MAPK14: variants seen among roughly 807,000 people sequenced by gnomAD.
The protein encoded by MAPK14 is mitogen-activated protein kinase 14.
In MAPK14, 16 loss-of-function variants were observed where a neutral mutation model predicts 49.6. The observed-to-expected ratio is 0.32, with a 90% CI of 0.22 to 0.49. MAPK14 has a LOEUF of 0.49. MAPK14 is among the 20% of genes least tolerant of loss of function. The pLI, the probability that MAPK14 is intolerant of heterozygous loss-of-function variation, is 0.99. For synonymous variants in MAPK14, 142 were observed against 158.0 expected, an observed-to-expected ratio of 0.90 and a Z score of 0.76; for missense variants, 200 against 441.2, an observed-to-expected ratio of 0.45 and a Z score of 4.90.
At chr6:36,089,202 A>C (rs530527991) in intron 8 of MAPK14, among the ~76,000 whole-genome samples, 1 of 152,334 alleles carries the variant, frequency 6.6e-6, no homozygotes, top group Admixed American at 6.5e-5. Flanking sequence ...GTACATATAC[A>C]CCATGGAATA....
At chr6:36,117,981 G>A in the MAPK14 span, among the ~76,000 whole-genome samples, 3 of 152,246 alleles carry the variant, frequency 2.0e-5, no homozygotes, top group South Asian at 2.1e-4. Flanking sequence ...AACCAAATAT[G>A]TAGGGGTTAT....
chr6:36,061,857 G>C (rs1051475510), intron 3 of MAPK14, among the ~76,000 whole-genome samples: 1 of 152,214 alleles, frequency 6.6e-6, no homozygotes, highest in African/African-American at 2.4e-5. Context: ...TTAAATTACA[G>C]AAAGTCTCTG....
chr6:36,118,271 C>T, the MAPK14 span, among the ~76,000 whole-genome samples: 1 of 152,224 alleles, frequency 6.6e-6, no homozygotes, highest in African/African-American at 2.4e-5. Flanking sequence ...GTGTCTTGCA[C>T]CCTCATTCAG....
In MAPK14 at chr6:36,027,875, A is replaced by T; in HGVS notation, c.-283A>T. The T allele has an allele frequency of 2.5e-6, 1 of 404,908 alleles. No individual in the cohort carries two copies. The highest frequency in any genetic ancestry group is 4.3e-6 in the Non-Finnish European group (1 of 230,664). 25.1% of individuals were successfully genotyped at this position (404,908 alleles called of 1,614,324 possible). ...CGACGCAGCCCGGAGTCGGCCTTGT[A>T]GGGGCGAAGGTGCAGGGAGATCGCG... On this transcript the variant is annotated 5_prime_UTR_variant, in exon 1 of 12. Transcript: ENST00000229794.
intron 2 of MAPK14, among the ~76,000 whole-genome samples, chr6:36,053,594 T>TA (rs1173972027): frequency 1.3e-5 from 2 of 152,192 alleles, no homozygotes; most frequent in African/African-American, 2.4e-5. Context: ...GTGACTGCTA[T>TA]ATGAAGGGTA....
intron 1 of MAPK14, among the ~76,000 whole-genome samples, chr6:36,032,349 A>C (rs922783504): frequency 3.9e-5 from 6 of 152,232 alleles, no homozygotes; most frequent in African/African-American, 1.4e-4. Flanking sequence ...AGGGAACTAG[A>C]CTAGGTCTTG....
In MAPK14 at chr6:36,073,670, T is replaced by C. The variant is rs199760199; in HGVS notation, c.418-21T>C. ...GACAATAGAAGGTTGGAGGTAACTT[T>C]GACTTTTTTCTCTTTTGCAGTATAT... On this transcript the variant is annotated intron_variant, in intron 4 of 11. Coordinates refer to ENST00000229794, the MANE Select transcript of MAPK14 (RefSeq NM_139012.3). 99 of 1,607,438 alleles carry C rather than the reference T, an allele frequency of 6.2e-5. 1 individual carries two copies. The South Asian group carries it at 1.1e-3, about 17-fold the overall frequency.
At chr6:36,049,342 T>C (rs1469713282) in intron 1 of MAPK14, among the ~76,000 whole-genome samples, 1 of 152,208 alleles carries the variant, frequency 6.6e-6, no homozygotes, top group Admixed American at 6.5e-5. Context: ...TTTCCTTTCC[T>C]GTTGTCTGCA....
intron 3 of MAPK14, among the ~76,000 whole-genome samples, chr6:36,064,273 C>CCA (rs982945419): frequency 2.6e-5 from 3 of 116,514 alleles, no homozygotes; most frequent in Non-Finnish European, 5.2e-5. Context: ...CCACCATGCC[C>CCA]CCCCCCACCC....
intron 8 of MAPK14, among the ~76,000 whole-genome samples, chr6:36,083,111 A>G (rs1353218627): frequency 1.3e-5 from 2 of 152,196 alleles, no homozygotes; most frequent in Non-Finnish European, 2.9e-5. Context: ...AAGAACGAAA[A>G]CGGTGAGTGA....
At chr6:36,077,009 T>G (rs2127446482) in intron 8 of MAPK14, 1 of 156,388 alleles carries the variant, frequency 6.4e-6, no homozygotes, top group African/African-American at 2.4e-5. Flanking sequence ...GCTGTTATGT[T>G]TATGTATTAA....
intron 3 of MAPK14, among the ~76,000 whole-genome samples, chr6:36,072,368 G>T (rs1049927919): frequency 6.6e-6 from 1 of 152,072 alleles, no homozygotes; most frequent in African/African-American, 2.4e-5. Context: ...TGTTGAAAAT[G>T]AGGTAATGAG....
rs548613884 is a variant in MAPK14 at position 36,052,044 on chromosome 6, C to T, written c.117-655C>T. Among the ~76,000 whole-genome samples the T allele has an allele frequency of 2.0e-5, 3 of 152,188 alleles. No individual in the cohort carries two copies. In the South Asian group the frequency reaches 6.2e-4, roughly 32 times the overall value. Reference sequence around the variant, plus strand: ...CTTTCTGTCACTCTTTATCCCATTACCCTTTTATTTAGTCATAGTATTTTC... The same window carrying T: ...CTTTCTGTCACTCTTTATCCCATTATCCTTTTATTTAGTCATAGTATTTTC... On this transcript the variant is annotated intron_variant, in intron 1 of 11. Coordinates refer to ENST00000229794, the MANE Select transcript of MAPK14 (RefSeq NM_139012.3).
At chr6:36,076,059 T>A in intron 7 of MAPK14, 97 bp downstream of exon 7, 14 of 1,262,680 alleles carry the variant, frequency 1.1e-5, no homozygotes, top group East Asian at 2.5e-5. Context: ...GGAAGAAATG[T>A]CTTTTCTTCC....
At chr6:36,048,067 A>T (rs945910534) in intron 1 of MAPK14, among the ~76,000 whole-genome samples, 1 of 148,874 alleles carries the variant, frequency 6.7e-6, no homozygotes, top group East Asian at 2.0e-4. Flanking sequence ...TTTGAGACAG[A>T]GTCTCACTCT....
chr6:36,122,755 A>T, the MAPK14 span, among the ~76,000 whole-genome samples: 3 of 152,184 alleles, frequency 2.0e-5, no homozygotes, highest in African/African-American at 7.2e-5. Flanking sequence ...GCAACCTGGC[A>T]TGTGTTGCTT....
the MAPK14 span, among the ~76,000 whole-genome samples, chr6:36,123,983 C>T: frequency 1.3e-5 from 2 of 151,840 alleles, no homozygotes; most frequent in Non-Finnish European, 2.9e-5. Flanking sequence ...GCCCGACTCA[C>T]AGAGCTGTCC....
At chr6:36,068,347 C>T (rs1386653037) in intron 3 of MAPK14, among the ~76,000 whole-genome samples, 1 of 152,114 alleles carries the variant, frequency 6.6e-6, no homozygotes, top group Non-Finnish European at 1.5e-5. Flanking sequence ...AGGGCTTTAT[C>T]TGCCATTGAA....
chr6:36,071,660 T>TA (rs887356584), intron 3 of MAPK14, among the ~76,000 whole-genome samples: 25 of 151,974 alleles, frequency 1.6e-4, no homozygotes, highest in East Asian at 3.9e-4. Flanking sequence ...AGTTGGAAAA[T>TA]AAAAAAAATA....
Sources: gnomAD v4.1 joint callset for allele counts (sites outside exome capture counted in the v4.1 genomes callset) on GRCh38, gnomAD v4.1.1 for gene constraint, MANE v1.5 for transcripts, NCBI Gene and HGNC (gene_info 2026-07-23, HGNC 2026-07-21) for gene names.